The following PLD5 variants were observed in gnomAD, a reference collection of about 807,000 sequenced individuals.
The protein encoded by PLD5 is phospholipase D family member 5.
A neutral mutation model predicts 61.1 loss-of-function variants in PLD5; 36 were observed. The observed-to-expected ratio is 0.59, with a 90% confidence interval of 0.45 to 0.78. The LOEUF (loss-of-function observed/expected upper bound fraction) is 0.78, where lower values mean the gene tolerates loss of function less well. Among genes scored for constraint, PLD5 ranks in the 30% least tolerant of loss-of-function variants. PLD5 has a pLI of 0.00. For missense variants in PLD5, 515 were observed against 644.4 expected, an observed-to-expected ratio of 0.80 and a Z score of 2.17; for synonymous variants, 243 against 242.8, an observed-to-expected ratio of 1.00 and a Z score of -0.01.
chr1:242,159,173 AT>A (rs201830342), intron 5 of PLD5, among the ~76,000 whole-genome samples: 3 of 109,984 alleles, frequency 2.7e-5, no homozygotes, highest in Non-Finnish European at 3.6e-5. Flanking sequence ...ACGAACGCAA[AT>A]TTTTTTATGC....
intron 4 of PLD5, among the ~76,000 whole-genome samples, chr1:242,257,030 T>A (rs547393255): frequency 3.3e-4 from 45 of 136,248 alleles, no homozygotes; most frequent in African/African-American, 1.0e-3. Flanking sequence ...TATATCTACC[T>A]ACCTACCTTC....
chr1:242,169,953 C>T (rs1223978357), intron 5 of PLD5, among the ~76,000 whole-genome samples: 1 of 152,210 alleles, frequency 6.6e-6, no homozygotes. Context: ...ATAGATAAAA[C>T]CCTCATCTCT....
chr1:242,467,272 T>C (rs1667306048), intron 1 of PLD5, among the ~76,000 whole-genome samples: 1 of 152,170 alleles, frequency 6.6e-6, no homozygotes, highest in Non-Finnish European at 1.5e-5. Flanking sequence ...AAACTTTGTC[T>C]TTCTCTGCAA....
chr1:242,165,206 T>C (rs1463651246), intron 5 of PLD5, among the ~76,000 whole-genome samples: 1 of 151,980 alleles, frequency 6.6e-6, no homozygotes, highest in African/African-American at 2.4e-5. Flanking sequence ...ACTCAAGTGA[T>C]CAAGGTTTGA....
chr1:242,377,460 A>G (rs1662029546), intron 1 of PLD5: 2 of 728,376 alleles, frequency 2.7e-6, no homozygotes, highest in Non-Finnish European at 4.8e-6. Context: ...GGCATCTGTC[A>G]TTTCTTTAAT....
At chr1:242,204,077 A>G (rs949110149) in intron 5 of PLD5, among the ~76,000 whole-genome samples, 1 of 98,702 alleles carries the variant, frequency 1.0e-5, no homozygotes, top group Non-Finnish European at 2.0e-5. Flanking sequence ...TCTACTAAAA[A>G]TACAGAAAAA....
At chr1:242,309,888 G>A (rs890582175) in intron 2 of PLD5, among the ~76,000 whole-genome samples, 11 of 149,262 alleles carry the variant, frequency 7.4e-5, no homozygotes, top group African/African-American at 2.2e-4. Context: ...TTAGAGTATG[G>A]AAAAATATTT....
At chr1:242,183,682 T>A (rs1478629369) in intron 5 of PLD5, among the ~76,000 whole-genome samples, 7 of 152,030 alleles carry the variant, frequency 4.6e-5, no homozygotes, top group African/African-American at 1.7e-4. Context: ...GATCATGAGG[T>A]CAGGAGATCC....
chr1:242,094,414 G>A (rs1207249083), intron 9 of PLD5, among the ~76,000 whole-genome samples: 1 of 152,158 alleles, frequency 6.6e-6, no homozygotes, highest in Non-Finnish European at 1.5e-5. Flanking sequence ...GGATTCTTCT[G>A]TAAGTCTTGT....
chr1:242,294,641 T>C (rs2149147294), intron 2 of PLD5, among the ~76,000 whole-genome samples: 1 of 152,282 alleles, frequency 6.6e-6, no homozygotes, highest in Middle Eastern at 3.4e-3. Flanking sequence ...TTCAACAAAT[T>C]ACTAACCTCT....
chr1:242,450,941 T>G (rs1260321844), intron 1 of PLD5, among the ~76,000 whole-genome samples: 1 of 152,128 alleles, frequency 6.6e-6, no homozygotes, highest in Non-Finnish European at 1.5e-5. Flanking sequence ...TCTGGAGTGT[T>G]TAACACCTGT....
chr1:242,438,432 T>A (rs189417154), intron 1 of PLD5, among the ~76,000 whole-genome samples: 3,102 of 141,410 alleles, frequency 0.022, 57 homozygotes, highest in Non-Finnish European at 0.034. Context: ...CCTGGCTAAT[T>A]TTTTTTCTTT....
chr1:242,098,738 G>T (rs1313712717), intron 9 of PLD5, among the ~76,000 whole-genome samples: 1 of 152,156 alleles, frequency 6.6e-6, no homozygotes, highest in Non-Finnish European at 1.5e-5. Context: ...TGGGGTTTTG[G>T]TGTGGATGTC....
intron 1 of PLD5, among the ~76,000 whole-genome samples, chr1:242,437,274 T>C (rs797011661): frequency 2.5e-4 from 38 of 152,306 alleles, no homozygotes; most frequent in African/African-American, 8.4e-4. Flanking sequence ...GTCCCACACA[T>C]GCCTCTCTTT....
intron 1 of PLD5, among the ~76,000 whole-genome samples, chr1:242,463,563 G>A (rs1437536237): frequency 1.3e-5 from 2 of 151,852 alleles, no homozygotes; most frequent in African/African-American, 4.8e-5. Flanking sequence ...TCAGCTTAAG[G>A]TCTTCCTCTT....
At chr1:242,510,110 G>A (rs911045547) in intron 1 of PLD5, among the ~76,000 whole-genome samples, 3 of 152,096 alleles carry the variant, frequency 2.0e-5, no homozygotes, top group Admixed American at 6.6e-5. Context: ...AAAGTTCCAA[G>A]TCAGTTTTTG....
At chr1:242,241,899 A>T (rs1268866596) in intron 4 of PLD5, among the ~76,000 whole-genome samples, 7 of 44,332 alleles carry the variant, frequency 1.6e-4, no homozygotes, top group African/African-American at 6.5e-4. Flanking sequence ...ATATATATAT[A>T]TATATATATA....
intron 5 of PLD5, among the ~76,000 whole-genome samples, chr1:242,147,019 T>C (rs1295358483): frequency 6.6e-6 from 1 of 152,210 alleles, no homozygotes; most frequent in Non-Finnish European, 1.5e-5. Context: ...TCCATTTATA[T>C]TGAGGTACAA....
chr1:242,419,388 T>G (rs866418555), intron 1 of PLD5, among the ~76,000 whole-genome samples: 4 of 117,392 alleles, frequency 3.4e-5, no homozygotes, highest in South Asian at 2.7e-4. Flanking sequence ...TGATTTTTGT[T>G]TTTTTTTTTT....
Sources: allele counts gnomAD v4.1 joint callset (sites outside exome capture counted in the v4.1 genomes callset), GRCh38; gene constraint gnomAD v4.1.1; transcripts MANE v1.5; gene names NCBI Gene and HGNC (gene_info 2026-07-23, HGNC 2026-07-21).